CEP85: variants seen among roughly 807,000 people sequenced by gnomAD.
CEP85 encodes the protein centrosomal protein 85.
Under a neutral mutation model 93.7 loss-of-function variants are expected in CEP85, and 58 were observed. That is an observed-to-expected ratio of 0.62 (90% CI 0.50 to 0.77). CEP85 has a LOEUF of 0.77. CEP85 is among the 30% of genes least tolerant of loss of function. The pLI, the probability that CEP85 is intolerant of heterozygous loss-of-function variation, is 0.00. For synonymous variants in CEP85, 314 were observed against 338.6 expected, an observed-to-expected ratio of 0.93 and a Z score of 0.80; for missense variants, 868 against 922.0, an observed-to-expected ratio of 0.94 and a Z score of 0.76.
At position 26,273,936 on chromosome 1, in the gene CEP85, T is replaced by C. The variant is rs370698322; in HGVS notation, c.1795-1028T>C. On this transcript the variant is annotated intron_variant, in intron 11 of 13. Transcript: ENST00000451429. ...AATAAATAAATAAATAAATAAAATATATATATATATGTGAATTTGTTGGAA... is the reference window on the plus strand; with the variant it reads ...AATAAATAAATAAATAAATAAAATACATATATATATGTGAATTTGTTGGAA... 9.0e-5 allele frequency among the ~76,000 whole-genome samples: 8 copies of C among 88,892 alleles called. No homozygotes were observed. The East Asian group carries it at 2.0e-3, about 22-fold the overall frequency. The allele number at this position is 88,892 out of a possible 152,430, so 58.3% of individuals were successfully genotyped here. A position where few individuals can be genotyped will look rare whatever the true frequency, so the allele number is the denominator to read the frequency against.
intron 11 of CEP85, among the ~76,000 whole-genome samples, chr1:26,274,334 T>C (rs916860787): frequency 1.3e-5 from 2 of 152,218 alleles, no homozygotes; most frequent in African/African-American, 4.8e-5. Flanking sequence ...TTTGGTGTTC[T>C]TCTCAATGCT....
chr1:26,244,186 G>A lies in CEP85; in HGVS notation c.76G>A (p.Gly26Ser). The stretch of plus-strand genomic sequence containing the variant: ...TTCAGGTTCCGATGTGATTCAGAAG[G>A]GCAGTTCCCTGGGGACTGAATGGCA... The part of the protein sequence containing the change: ...TSPSSDVIQK[G>S]SSLGTEWQTP... The change falls in exon 3 of 14, where the codon GGC (glycine) becomes AGC (serine). Residue 26 changes from glycine (G) to serine (S), a missense_variant. Gly to Ser is a moderately conservative substitution (Grantham distance 56). Transcript: ENST00000451429. 3 of 1,613,336 alleles carry A rather than the reference G, an allele frequency of 1.9e-6. No homozygotes were observed. The highest frequency in any genetic ancestry group is 4.5e-5 in the East Asian group (2 of 44,862).
chr1:26,242,200 G>A, intron 2 of CEP85, among the ~76,000 whole-genome samples: 1 of 152,320 alleles, frequency 6.6e-6, no homozygotes, highest in Non-Finnish European at 1.5e-5. Context: ...AAGAGTGGAA[G>A]ATTAGTAGTA....
At chr1:26,252,512 A>G (rs144740406) in intron 3 of CEP85, among the ~76,000 whole-genome samples, 2 of 152,344 alleles carry the variant, frequency 1.3e-5, no homozygotes, top group East Asian at 1.9e-4. Context: ...AGCCTGGGCA[A>G]CAAGAGTGAA....
intron 7 of CEP85, among the ~76,000 whole-genome samples, chr1:26,265,426 T>C (rs1285870455): frequency 6.6e-6 from 1 of 152,134 alleles, no homozygotes; most frequent in Non-Finnish European, 1.5e-5. Flanking sequence ...GCCATATACA[T>C]AGATTTTTAC....
At chr1:26,271,418 C>A in intron 10 of CEP85, 1 of 237,324 alleles carries the variant, frequency 4.2e-6, no homozygotes, top group Non-Finnish European at 8.3e-6. Context: ...GGCTCAGGCC[C>A]ATACAGAAAC....
Position 26,244,327 on chromosome 1 carries a change from G to C in CEP85, c.208+9G>C. The stretch of plus-strand genomic sequence containing the variant: ...CTCAGATATTGCGGAGGGTAAGTTT[G>C]TATTAATGATTTGATTACCAATATG... On this transcript the variant is annotated intron_variant, in intron 3 of 13. Coordinates refer to ENST00000451429, the MANE Select transcript of CEP85 (RefSeq NM_001319944.2). 6.2e-7 allele frequency: 1 copy of C among 1,610,230 alleles called. No homozygotes were observed. Among genetic ancestry groups the C allele is most frequent in the South Asian group, 1.1e-5 (1 of 90,702 alleles).
chr1:26,248,661 A>G (rs2089549463), intron 3 of CEP85, among the ~76,000 whole-genome samples: 1 of 140,634 alleles, frequency 7.1e-6, no homozygotes, highest in African/African-American at 2.7e-5. Flanking sequence ...ATGCCTGGCT[A>G]ATTTTTGTAT....
intron 8 of CEP85, 73 bp downstream of exon 8, chr1:26,268,708 T>C (rs2089929056): frequency 5.9e-6 from 8 of 1,360,250 alleles, no homozygotes; most frequent in Non-Finnish European, 8.0e-6. Flanking sequence ...CATCATCTGC[T>C]GTATGCAGTT....
intron 3 of CEP85, among the ~76,000 whole-genome samples, chr1:26,244,733 G>A (rs955632476): frequency 3.3e-5 from 5 of 152,102 alleles, no homozygotes; most frequent in Admixed American, 3.3e-4. Flanking sequence ...ATGTTGCCCA[G>A]GCTGGTCTGG....
rs2089773961 is a variant in CEP85 at position 26,259,582 on chromosome 1, A to T, written c.1156-35A>T. On this transcript the variant is annotated intron_variant, in intron 6 of 13. Coordinates refer to ENST00000451429, the MANE Select transcript of CEP85 (RefSeq NM_001319944.2). ...GTAAAGTACATGAGACTATAAGGGT[A>T]GAGAACAGTTACATATTGAGAATCT... The T allele has an allele frequency of 2.6e-6, 4 of 1,556,180 alleles. No individual in the cohort carries two copies. In the Admixed American group the frequency reaches 7.5e-5, roughly 29 times the overall value.
At chr1:26,240,419 C>T (rs542359836) in intron 2 of CEP85, among the ~76,000 whole-genome samples, 18 of 152,096 alleles carry the variant, frequency 1.2e-4, no homozygotes, top group Non-Finnish European at 2.2e-4. Flanking sequence ...TTGCATATAA[C>T]CTGTGTATAT....
intron 7 of CEP85, among the ~76,000 whole-genome samples, chr1:26,264,261 G>A (rs868250992): frequency 6.6e-6 from 1 of 152,122 alleles, no homozygotes; most frequent in African/African-American, 2.4e-5. Flanking sequence ...GGCTGGGCGC[G>A]GTGGCTCACG....
intron 7 of CEP85, among the ~76,000 whole-genome samples, chr1:26,265,220 G>A (rs1570027535): frequency 6.6e-6 from 1 of 152,060 alleles, no homozygotes; most frequent in Non-Finnish European, 1.5e-5. Flanking sequence ...CTGACCTCAT[G>A]TGATCTGCCC....
intron 11 of CEP85, among the ~76,000 whole-genome samples, chr1:26,274,573 G>A (rs992983515): frequency 6.6e-6 from 1 of 152,202 alleles, no homozygotes; most frequent in Non-Finnish European, 1.5e-5. Context: ...GTTTCCTGGA[G>A]GTAACAGCAG....
intron 4 of CEP85, among the ~76,000 whole-genome samples, chr1:26,256,916 T>A (rs1253380307): frequency 2.2e-5 from 3 of 138,572 alleles, no homozygotes; most frequent in African/African-American, 8.1e-5. Flanking sequence ...TTTTTTTGTT[T>A]TGTTTTGTTT....
intron 13 of CEP85, among the ~76,000 whole-genome samples, 165 bp from the exon 14 acceptor site, chr1:26,276,971 T>C (rs540232301): frequency 1.3e-5 from 2 of 152,324 alleles, no homozygotes; most frequent in South Asian, 4.1e-4. Flanking sequence ...CAGGACAAAC[T>C]AAAAGTGGAC....
chr1:26,245,143 C>T (rs1001478052), intron 3 of CEP85, among the ~76,000 whole-genome samples: 2 of 151,622 alleles, frequency 1.3e-5, no homozygotes, highest in African/African-American at 2.4e-5. Flanking sequence ...CTCCTAGGCT[C>T]CTGAGTAGCA....
At chr1:26,267,066 C>T (rs1463428827) in intron 7 of CEP85, among the ~76,000 whole-genome samples, 2 of 152,208 alleles carry the variant, frequency 1.3e-5, no homozygotes, top group African/African-American at 4.8e-5. Context: ...TCAGACTCCA[C>T]AGGTTTAAGG....
Sources: gnomAD v4.1 joint callset for allele counts (sites outside exome capture counted in the v4.1 genomes callset) on GRCh38, gnomAD v4.1.1 for gene constraint, MANE v1.5 for transcripts, NCBI Gene and HGNC (gene_info 2026-07-23, HGNC 2026-07-21) for gene names.